Variants in ADAM18 observed in about 807,000 individuals in gnomAD.
The protein encoded by ADAM18 is ADAM metallopeptidase domain 18.
ADAM18 carries 117 observed loss-of-function variants against 94.4 expected under a neutral mutation model. The ratio of observed to expected loss-of-function variants is 1.24; its 90% CI spans 1.07 to 1.45. The LOEUF (loss-of-function observed/expected upper bound fraction) is 1.45, where lower values mean the gene tolerates loss of function less well. Ranked by LOEUF, ADAM18 falls within the 40% of genes most tolerant of loss-of-function variation. The pLI is 0.00. For missense variants in ADAM18, 936 were observed against 880.0 expected (o/e 1.06, Z -0.81); for synonymous variants, 327 against 291.6 (o/e 1.12, Z -1.24).
At chr8:39,606,592 C>A (rs1402252480) in intron 3 of ADAM18, among the ~76,000 whole-genome samples, 3 of 152,086 alleles carry the variant, frequency 2.0e-5, no homozygotes, top group Non-Finnish European at 4.4e-5. Context: ...AAACTACATA[C>A]TTGTAAAATC....
chr8:39,677,965 G>T (rs966455582), intron 15 of ADAM18, among the ~76,000 whole-genome samples: 12 of 152,124 alleles, frequency 7.9e-5, no homozygotes, highest in African/African-American at 2.7e-4. Context: ...AAGCATGGAA[G>T]TATCTATTAA....
chr8:39,606,373 AT>A lies in ADAM18; in HGVS notation c.188+20del, dbSNP rs532865669. 172 of 1,511,700 alleles carry A rather than the reference AT, an allele frequency of 1.1e-4. No homozygotes were observed. Among genetic ancestry groups the A allele is most frequent in the African/African-American group, 2.8e-4 (20 of 70,662 alleles). The allele number at this position is 1,511,700 out of a possible 1,614,324, so 93.6% of individuals were successfully genotyped here. ...ACATCTCGGAAAACAGTAAGATATGATTTTTTTTTCATTAAGGAAAAGGGAA... is the reference window on the plus strand; with the variant it reads ...ACATCTCGGAAAACAGTAAGATATGATTTTTTTTCATTAAGGAAAAGGGAA... On this transcript the variant is annotated intron_variant, in intron 3 of 19. Transcript: ENST00000265707.
chr8:39,589,922 A>T (rs941001215), intron 2 of ADAM18, among the ~76,000 whole-genome samples: 1 of 150,648 alleles, frequency 6.6e-6, no homozygotes, highest in Non-Finnish European at 1.5e-5. Flanking sequence ...AGTCATTAAA[A>T]AGTCAGGAAA....
intron 18 of ADAM18, among the ~76,000 whole-genome samples, chr8:39,716,540 C>T (rs897699906): frequency 1.8e-4 from 27 of 151,788 alleles, no homozygotes; most frequent in Non-Finnish European, 2.9e-4. Flanking sequence ...TACTTACATC[C>T]CCTTGTGATC....
At chr8:39,712,377 T>C (rs1249240677) in intron 18 of ADAM18, among the ~76,000 whole-genome samples, 1 of 151,802 alleles carries the variant, frequency 6.6e-6, no homozygotes, top group Non-Finnish European at 1.5e-5. Context: ...CTTTGAAAAC[T>C]GGCACAAGAT....
intron 2 of ADAM18, among the ~76,000 whole-genome samples, chr8:39,598,973 G>A (rs561064320): frequency 2.0e-5 from 3 of 151,844 alleles, no homozygotes; most frequent in Non-Finnish European, 2.9e-5. Context: ...CAACACGCCC[G>A]GCTAATGTTG....
chr8:39,612,135 A>T (rs1224769199), intron 6 of ADAM18, among the ~76,000 whole-genome samples: 2 of 151,976 alleles, frequency 1.3e-5, no homozygotes, highest in Non-Finnish European at 2.9e-5. Context: ...AATTAGTGAA[A>T]AAAAAAAAGG....
chr8:39,705,778 G>A (rs12550731), intron 17 of ADAM18, among the ~76,000 whole-genome samples: 47,187 of 151,868 alleles, frequency 0.31, 8,100 homozygotes, highest in East Asian at 0.75. Context: ...AAACGGAAAG[G>A]ACACAATATC....
At chr8:39,718,108 A>C (rs145487952) in intron 18 of ADAM18, among the ~76,000 whole-genome samples, 1 of 151,550 alleles carries the variant, frequency 6.6e-6, no homozygotes, top group Admixed American at 6.6e-5. Context: ...ACCCTTGCAT[A>C]CTGTTGGTAA....
chr8:39,727,957 A>G (rs1036397521), intron 19 of ADAM18, among the ~76,000 whole-genome samples: 2 of 152,222 alleles, frequency 1.3e-5, no homozygotes, highest in African/African-American at 4.8e-5. Context: ...GCTTTACAGG[A>G]AGCATGGTGC....
intron 14 of ADAM18, among the ~76,000 whole-genome samples, chr8:39,671,810 A>G (rs1821166321): frequency 6.6e-6 from 1 of 152,156 alleles, no homozygotes; most frequent in African/African-American, 2.4e-5. Flanking sequence ...CAGGGATGTG[A>G]TGGACTTTAT....
chr8:39,666,040 TTTTG>T (rs755793352), intron 13 of ADAM18, among the ~76,000 whole-genome samples: 4 of 152,178 alleles, frequency 2.6e-5, no homozygotes, highest in African/African-American at 7.2e-5. Context: ...TCTCAGTTTT[TTTTG>T]TTTGTTTGTT....
chr8:39,667,401 C>CA (rs377507911), intron 13 of ADAM18, among the ~76,000 whole-genome samples: 4,629 of 53,718 alleles, frequency 0.086, 229 homozygotes, highest in African/African-American at 0.18. Flanking sequence ...AACTCCATCT[C>CA]AAAAAAAAAA....
In ADAM18 at chr8:39,706,853, C is replaced by A; in HGVS notation, c.1966C>A (p.Gln656Lys). Reference protein sequence around the residue: ...PGHRPPDCKFQFGSPGGSIDD... With the variant: ...PGHRPPDCKFKFGSPGGSIDD... ...ACATAGACCTCCAGATTGTAAATTC[C>A]AGTTTGGTTCCCCAGGGGGTAGTAT... The change falls in exon 18 of 20, where the codon CAG becomes AAG. Residue 656 changes from glutamine (Q) to lysine (K), a missense_variant. Transcript: ENST00000265707. 6.2e-7 allele frequency: 1 copy of A among 1,610,412 alleles called. No homozygotes were observed. Among genetic ancestry groups the A allele is most frequent in the Non-Finnish European group, 8.5e-7 (1 of 1,177,554 alleles).
chr8:39,727,104 A>G (rs949195141), intron 19 of ADAM18, among the ~76,000 whole-genome samples: 1 of 152,176 alleles, frequency 6.6e-6, no homozygotes, highest in African/African-American at 2.4e-5. Context: ...CATTTCTTCA[A>G]TATGTCTAGT....
At chr8:39,601,560 G>A (rs1818904405) in intron 2 of ADAM18, among the ~76,000 whole-genome samples, 1 of 151,594 alleles carries the variant, frequency 6.6e-6, no homozygotes. Context: ...TTAGCATTTG[G>A]ATGATATATT....
chr8:39,602,458 G>C (rs1054933302), intron 2 of ADAM18, among the ~76,000 whole-genome samples: 4 of 152,248 alleles, frequency 2.6e-5, no homozygotes, highest in Middle Eastern at 3.4e-3. Context: ...GAAAGTCACA[G>C]TTCCACCCTT....
intron 15 of ADAM18, among the ~76,000 whole-genome samples, chr8:39,678,191 A>G (rs746011606): frequency 6.6e-6 from 1 of 152,224 alleles, no homozygotes; most frequent in Non-Finnish European, 1.5e-5. Context: ...TAAAAAATTT[A>G]GATATAATTA....
chr8:39,650,384 A>G (rs1242275678), intron 12 of ADAM18, among the ~76,000 whole-genome samples: 1 of 152,236 alleles, frequency 6.6e-6, no homozygotes, highest in Non-Finnish European at 1.5e-5. Context: ...ACTTGATCAT[A>G]TATATAGAAA....
Sources: allele counts gnomAD v4.1 joint callset (sites outside exome capture counted in the v4.1 genomes callset), GRCh38; gene constraint gnomAD v4.1.1; transcripts MANE v1.5; gene names NCBI Gene and HGNC (gene_info 2026-07-23, HGNC 2026-07-21).